Variants in ANKRD28 observed in about 807,000 individuals in gnomAD.
The protein encoded by ANKRD28 is serine/threonine-protein phosphatase 6 regulatory ankyrin repeat subunit A.
Under a neutral mutation model 126.5 loss-of-function variants are expected in ANKRD28, and 44 were observed. That is an observed-to-expected ratio of 0.35 (90% CI 0.27 to 0.45). The LOEUF is 0.45. Ranked by LOEUF, ANKRD28 falls within the 20% of genes least tolerant of loss-of-function variation. The pLI is 1.00. For synonymous variants in ANKRD28, 442 were observed against 468.5 expected, an observed-to-expected ratio of 0.94 and a Z score of 0.73; for missense variants, 1,110 against 1,316.6, an observed-to-expected ratio of 0.84 and a Z score of 2.43.
chr3:15,823,804 G>T (rs1273840656), intron 1 of ANKRD28, among the ~76,000 whole-genome samples: 6 of 152,016 alleles, frequency 3.9e-5, no homozygotes, highest in African/African-American at 1.2e-4. Context: ...AAAATGAAAG[G>T]AATAAAAACA....
In ANKRD28 at chr3:15,843,005, C is replaced by T. The variant is rs991519668; in HGVS notation, c.27+16372G>A. On this transcript the variant is annotated intron_variant, in intron 1 of 27. Transcript: ENST00000399451. This position sits in a 1 kb window ranked among gnomAD's most constrained non-coding sequence, Gnocchi z 5.2. ...CTTATCTGGTATATTAGACTGTTCT[C>T]GCCTTGCTATAAAGAAATATCCAAG... Among the ~76,000 whole-genome samples, 22 of 152,150 alleles carry T rather than the reference C, an allele frequency of 1.4e-4. No homozygotes were observed. Among genetic ancestry groups the T allele is most frequent in the Admixed American group, 2.0e-4 (3 of 15,282 alleles).
At chr3:15,787,077 T>C (rs2059815644) in intron 2 of ANKRD28, among the ~76,000 whole-genome samples, 1 of 152,128 alleles carries the variant, frequency 6.6e-6, no homozygotes, top group South Asian at 2.1e-4. Context: ...TTCTGCTAGT[T>C]AAATAAATTA....
At position 15,839,811 on chromosome 3, in the gene ANKRD28, T is replaced by C. The variant is rs1245491933; in HGVS notation, c.27+19566A>G. ...ATGAAGGACAAAAACCACATAGTCA[T>C]GTCAACTGATGCTGAAAAAGCATTT... is the stretch of plus-strand genomic sequence containing the variant. On this transcript the variant is annotated intron_variant, in intron 1 of 27. Coordinates refer to the ANKRD28 transcript ENST00000399451. This position sits in a 1 kb window ranked among gnomAD's most constrained non-coding sequence, Gnocchi z 4.3. Among the ~76,000 whole-genome samples, 1 of 152,190 alleles carries C rather than the reference T, an allele frequency of 6.6e-6. No individual in the cohort carries two copies. The highest frequency in any genetic ancestry group is 1.5e-5 in the Non-Finnish European group (1 of 68,034).
In ANKRD28 at chr3:15,804,354, T is replaced by C. The variant is rs557478247; in HGVS notation, c.28-9048A>G. Among the ~76,000 whole-genome samples, 64 of 145,384 alleles carry C rather than the reference T, an allele frequency of 4.4e-4. 2 individuals are homozygous for C. Among genetic ancestry groups the C allele is most frequent in the Non-Finnish European group, 7.8e-4 (52 of 67,088 alleles). On this transcript the variant is annotated intron_variant, in intron 1 of 27. Transcript: ENST00000399451. ...CTGACATATACAGATACCTTCTAAC[T>C]GTCCATTCTCTAAAAAAATGGATAT... is the stretch of plus-strand genomic sequence containing the variant.
intron 3 of ANKRD28, among the ~76,000 whole-genome samples, chr3:15,754,285 T>A (rs1298027218): frequency 1.3e-5 from 2 of 152,210 alleles, no homozygotes; most frequent in African/African-American, 2.4e-5. Flanking sequence ...TTGTCCATCG[T>A]ATCTTGCATA....
intron 4 of ANKRD28, among the ~76,000 whole-genome samples, chr3:15,738,312 A>G (rs2125156322): frequency 6.6e-6 from 1 of 152,314 alleles, no homozygotes; most frequent in South Asian, 2.1e-4. Context: ...CCGCAAAACC[A>G]GCAAGTTTTT....
At chr3:15,827,007 T>C (rs1374283712) in intron 1 of ANKRD28, among the ~76,000 whole-genome samples, 2 of 152,144 alleles carry the variant, frequency 1.3e-5, no homozygotes, top group Non-Finnish European at 2.9e-5. Flanking sequence ...GCCAAGTATA[T>C]ATTTTTTAAA....
intron 14 of ANKRD28, among the ~76,000 whole-genome samples, chr3:15,700,301 T>C (rs1273905356): frequency 6.7e-6 from 1 of 150,234 alleles, no homozygotes; most frequent in East Asian, 2.0e-4. Flanking sequence ...CTGTCCGGGG[T>C]GGGGGCCTGG....
At position 15,713,646 on chromosome 3, in the gene ANKRD28, A is replaced by C; in HGVS notation, c.1076-5T>G. On this transcript the variant is annotated splice_polypyrimidine_tract_variant and splice_region_variant and intron_variant, in intron 9 of 27. Coordinates refer to ENST00000683139, the MANE Select transcript of ANKRD28 (RefSeq NM_001349278.2). Reference sequence around the variant, plus strand: ...CCTCACAGTCGATTACAGCTCCTGCAATATAGGACTTACTGTCAGACACTG... The same window carrying C: ...CCTCACAGTCGATTACAGCTCCTGCCATATAGGACTTACTGTCAGACACTG... The C allele has an allele frequency of 6.3e-7, 1 of 1,582,324 alleles. No individual in the cohort carries two copies. Among genetic ancestry groups the C allele is most frequent in the Non-Finnish European group, 8.6e-7 (1 of 1,161,602 alleles).
At chr3:15,774,006 C>T (rs1158334801) in intron 2 of ANKRD28, among the ~76,000 whole-genome samples, 1 of 152,122 alleles carries the variant, frequency 6.6e-6, no homozygotes, top group Non-Finnish European at 1.5e-5. Flanking sequence ...AATAAACCCA[C>T]ACAAATATGA....
At chr3:15,805,727 T>C (rs927999959) in intron 1 of ANKRD28, among the ~76,000 whole-genome samples, 1 of 152,178 alleles carries the variant, frequency 6.6e-6, no homozygotes, top group Admixed American at 6.5e-5. Context: ...AGAGTAAATG[T>C]AGTATGAAGT....
chr3:15,719,185 A>T (rs2073419535), intron 8 of ANKRD28, among the ~76,000 whole-genome samples: 1 of 152,154 alleles, frequency 6.6e-6, no homozygotes, highest in Non-Finnish European at 1.5e-5. Flanking sequence ...CCTGTAGTTG[A>T]GAGGGCAATT....
At chr3:15,722,700 C>T (rs1346393095) in intron 7 of ANKRD28, among the ~76,000 whole-genome samples, 1 of 152,076 alleles carries the variant, frequency 6.6e-6, no homozygotes, top group Non-Finnish European at 1.5e-5. Flanking sequence ...TCTGGGATCA[C>T]TGGTAATAGA....
intron 4 of ANKRD28, among the ~76,000 whole-genome samples, chr3:15,744,174 A>G (rs1344967309): frequency 6.6e-6 from 1 of 152,250 alleles, no homozygotes; most frequent in African/African-American, 2.4e-5. Flanking sequence ...TTTACTACTT[A>G]GGAGACCTTC....
chr3:15,776,733 A>G (rs2059286131), intron 2 of ANKRD28, among the ~76,000 whole-genome samples: 1 of 152,188 alleles, frequency 6.6e-6, no homozygotes, highest in African/African-American at 2.4e-5. Context: ...TAAATTGTAC[A>G]TTTGTTTTAC....
chr3:15,786,566 C>T (rs1448521577), intron 2 of ANKRD28, among the ~76,000 whole-genome samples: 2 of 151,930 alleles, frequency 1.3e-5, no homozygotes, highest in Admixed American at 6.6e-5. Context: ...TAGGTGTATG[C>T]ATGTATCAAA....
At chr3:15,822,928 T>C (rs1429140778) in intron 1 of ANKRD28, among the ~76,000 whole-genome samples, 1 of 152,168 alleles carries the variant, frequency 6.6e-6, no homozygotes, top group African/African-American at 2.4e-5. Context: ...AGTAGGCACA[T>C]TACTACTGAC....
At chr3:15,718,004 G>T (rs1035010075) in intron 8 of ANKRD28, among the ~76,000 whole-genome samples, 1 of 152,090 alleles carries the variant, frequency 6.6e-6, no homozygotes, top group Admixed American at 6.6e-5. Flanking sequence ...AAGAATATGA[G>T]GGTTAGTAAA....
In ANKRD28 at chr3:15,797,714, T is replaced by C; in HGVS notation, c.-1193A>G. 1.0e-6 allele frequency: 1 copy of C among 985,468 alleles called. No individual in the cohort carries two copies. The highest frequency in any genetic ancestry group is 1.7e-5 in the African/African-American group (1 of 57,372). The allele number at this position is 985,468 out of a possible 1,614,324, so 61.0% of individuals were successfully genotyped here. ...GAGCCAACTACTTTATTCAGTCATC[T>C]GCCTCTTTGCCAATATAGTTTCCTT... On this transcript the variant is annotated 5_prime_UTR_variant, in exon 1 of 28. Coordinates refer to ENST00000683139, the MANE Select transcript of ANKRD28 (RefSeq NM_001349278.2).
Sources: gnomAD v4.1 joint callset for allele counts (sites outside exome capture counted in the v4.1 genomes callset) on GRCh38, gnomAD v4.1.1 for gene constraint, Gnocchi (gnomAD v3.1) non-coding constraint, MANE v1.5 for transcripts, NCBI Gene and HGNC (gene_info 2026-07-23, HGNC 2026-07-21) for gene names.